The following KCNH3 variants were observed in gnomAD, a reference collection of about 807,000 sequenced individuals.
KCNH3 encodes the protein voltage-gated inwardly rectifying potassium channel KCNH3.
KCNH3 carries 36 observed loss-of-function variants against 95.6 expected under a neutral mutation model. The observed-to-expected ratio is 0.38, with a 90% confidence interval of 0.29 to 0.50. The LOEUF is 0.50. Ranked by LOEUF, KCNH3 falls within the 20% of genes least tolerant of loss-of-function variation. KCNH3 has a pLI of 0.95. For synonymous variants in KCNH3, 620 were observed against 646.3 expected (o/e 0.96, Z 0.62); for missense variants, 1,030 against 1,484.1 (o/e 0.69, Z 5.03).
intron 7 of KCNH3, among the ~76,000 whole-genome samples, chr12:49,547,455 C>T (rs764888776): frequency 4.6e-5 from 7 of 152,230 alleles, no homozygotes; most frequent in Non-Finnish European, 5.9e-5. Flanking sequence ...CCTTTGAAAC[C>T]AAGCACAAAT....
Position 49,543,309 on chromosome 12 carries a change from AC to A in KCNH3, c.615del (p.Tyr205Ter). On this transcript the variant is annotated frameshift_variant, in exon 5 of 15. Transcript: ENST00000257981. LOFTEE classifies it high-confidence loss of function. ...GGGGAGAAACCAAACTTGCCTGAGT[AC>A]AAAGTAGCCGCCATCCGGAAGTCGC... Reference protein sequence around the residue: ...VFGEKPNLPEYKVAAIRKSPF... With the variant: ...VFGEKPNLPEXKVAAIRKSPF... The A allele has an allele frequency of 1.2e-6, 2 of 1,613,742 alleles. No homozygotes were observed. The highest frequency in any genetic ancestry group is 1.7e-6 in the Non-Finnish European group (2 of 1,180,030).
chr12:49,554,267 C>G, intron 10 of KCNH3, 70 bp from the exon 11 acceptor site: 1 of 1,276,194 alleles, frequency 7.8e-7, no homozygotes. Flanking sequence ...TCTCAGCAAC[C>G]TGCAGCCCCC....
In KCNH3 at chr12:49,557,507, C is replaced by T. The variant is rs1938515239; in HGVS notation, c.2806C>T (p.Gln936Ter). 6.2e-7 allele frequency: 1 copy of T among 1,611,718 alleles called. No homozygotes were observed. Among genetic ancestry groups the T allele is most frequent in the Non-Finnish European group, 8.5e-7 (1 of 1,179,944 alleles). ...CCCAGCCAGCACCTCCGGGCTTCTG[C>T]AGCCTCTGTGTGTGGACACTGGGGC... is the stretch of plus-strand genomic sequence containing the variant. ...PCPASTSGLLQPLCVDTGASS... is the reference protein window; with the variant it reads ...PCPASTSGLL Residue 936 changes from glutamine (Q) to a stop codon, truncating the protein, a stop_gained, in exon 15 of 15, where the codon CAG (glutamine) becomes TAG (stop). Coordinates refer to ENST00000257981, the MANE Select transcript of KCNH3 (RefSeq NM_012284.3). LOFTEE classifies it high-confidence loss of function.
In KCNH3 at chr12:49,548,889, C is replaced by T. The variant is rs538180796; in HGVS notation, c.1190-6C>T. The T allele has an allele frequency of 9.6e-6, 15 of 1,561,078 alleles. No homozygotes were observed. The highest frequency in any genetic ancestry group is 4.1e-5 in the African/African-American group (3 of 73,568). ...GCCTGCTCAGGCCCTGCTGTTCCCC[C>T]CTCAGGCTGGCTGCAGGAGCTGGCC... is the stretch of plus-strand genomic sequence containing the variant. On this transcript the variant is annotated splice_polypyrimidine_tract_variant and splice_region_variant and intron_variant, in intron 7 of 14. Transcript: ENST00000257981.
At chr12:49,547,603 G>T (rs891744021) in intron 7 of KCNH3, among the ~76,000 whole-genome samples, 1 of 152,224 alleles carries the variant, frequency 6.6e-6, no homozygotes, top group African/African-American at 2.4e-5. Flanking sequence ...CCCTCAGGGA[G>T]CTCCTGTGGG....
chr12:49,552,416 CCTT>C (rs1355888353), intron 10 of KCNH3, among the ~76,000 whole-genome samples: 1 of 152,214 alleles, frequency 6.6e-6, no homozygotes, highest in Middle Eastern at 3.2e-3. Flanking sequence ...CATCCTGTCA[CCTT>C]CTATATGTTT....
intron 7 of KCNH3, 63 bp from the exon 8 acceptor site, chr12:49,548,832 C>T (rs1176599591): frequency 2.7e-6 from 4 of 1,469,984 alleles, no homozygotes; most frequent in Non-Finnish European, 3.6e-6. Context: ...TCCCCACCCC[C>T]AGGGCCCGGC....
At chr12:49,554,643 G>A (rs978692280) in intron 11 of KCNH3, 89 bp downstream of exon 11, 24 of 1,158,476 alleles carry the variant, frequency 2.1e-5, no homozygotes, top group Non-Finnish European at 2.7e-5. Context: ...GGAGAGCTGT[G>A]TGTGAAGTGT....
intron 7 of KCNH3, among the ~76,000 whole-genome samples, chr12:49,545,710 C>T (rs1438302815): frequency 6.6e-6 from 1 of 152,036 alleles, no homozygotes; most frequent in Non-Finnish European, 1.5e-5. Context: ...GTATGACTGT[C>T]TGCTCCTTGG....
In KCNH3 at chr12:49,539,318, G is replaced by T. The variant is rs1324922084; in HGVS notation, c.-99G>T. On this transcript the variant is annotated 5_prime_UTR_variant, in exon 1 of 15. Transcript: ENST00000257981. The surrounding 1 kb of genome is among the most constrained non-coding windows in gnomAD (Gnocchi z 6.7). Reference sequence around the variant, plus strand: ...TGCCCCCCGACGGCTGCGCTAGGGAGCGCGGGGCCCGGCGGGGGGCGGCCG... The same window carrying T: ...TGCCCCCCGACGGCTGCGCTAGGGATCGCGGGGCCCGGCGGGGGGCGGCCG... The T allele has an allele frequency of 3.1e-6, 2 of 643,838 alleles. No homozygotes were observed. The highest frequency in any genetic ancestry group is 7.8e-5 in the East Asian group (2 of 25,478). 39.9% of individuals were successfully genotyped at this position (643,838 alleles called of 1,614,324 possible). A position where few individuals can be genotyped will look rare whatever the true frequency, so the allele number is the denominator to read the frequency against.
At chr12:49,550,953 A>G (rs547344754) in intron 10 of KCNH3, among the ~76,000 whole-genome samples, 11 of 152,316 alleles carry the variant, frequency 7.2e-5, no homozygotes, top group African/African-American at 2.6e-4. Flanking sequence ...TGCTGATAAC[A>G]GGGGGCTCAC....
intron 12 of KCNH3, 103 bp downstream of exon 12, chr12:49,556,054 C>T (rs538779177): frequency 1.9e-5 from 12 of 644,138 alleles, no homozygotes; most frequent in Admixed American, 8.4e-5. Flanking sequence ...TCTTAACTCC[C>T]GCTAGTCTAT....
At position 49,556,361 on chromosome 12, in the gene KCNH3, G is replaced by C; in HGVS notation, c.2469-9G>C. 6.3e-7 allele frequency: 1 copy of C among 1,598,302 alleles called. No homozygotes were observed. ...CATTGATTTGTTGTCCTGGTACCTG[G>C]GTTCACAGGGTAGTAGATGGCATTG... On this transcript the variant is annotated splice_polypyrimidine_tract_variant and intron_variant, in intron 12 of 14. Transcript: ENST00000257981.
chr12:49,549,622 T>A lies in KCNH3; in HGVS notation c.1650T>A (p.Asn550Lys). Residue 550 changes from asparagine to lysine, a missense_variant, in exon 9 of 15, where the codon AAT becomes AAA. This residue lies in a region of KCNH3 where 160 missense variants were observed against 316.2 expected (regional missense o/e 0.51). Coordinates refer to ENST00000257981, the MANE Select transcript of KCNH3 (RefSeq NM_012284.3). ...EYFQATWAVN[N>K]GIDTTELLQS... is the part of the protein sequence containing the mutation. ...TCCAGGCCACCTGGGCGGTGAACAATGGCATCGACACCACCGAGGTGCGGC... is the reference window on the plus strand; with the variant it reads ...TCCAGGCCACCTGGGCGGTGAACAAAGGCATCGACACCACCGAGGTGCGGC... 6.2e-7 allele frequency: 1 copy of A among 1,610,248 alleles called. No individual in the cohort carries two copies. Among genetic ancestry groups the A allele is most frequent in the Non-Finnish European group, 8.5e-7 (1 of 1,179,950 alleles).
intron 7 of KCNH3, among the ~76,000 whole-genome samples, chr12:49,547,413 C>A (rs1389675299): frequency 6.6e-6 from 1 of 152,240 alleles, no homozygotes; most frequent in Non-Finnish European, 1.5e-5. Flanking sequence ...AGGAATGACC[C>A]CCTCAGTTTC....
At chr12:49,552,877 G>C (rs1355120112) in intron 10 of KCNH3, among the ~76,000 whole-genome samples, 4 of 152,190 alleles carry the variant, frequency 2.6e-5, no homozygotes, top group Non-Finnish European at 5.9e-5. Flanking sequence ...GACCCAGAAG[G>C]ATGGCCTGAA....
At position 49,543,249 on chromosome 12, in the gene KCNH3, G is replaced by C. The variant is rs147207795; in HGVS notation, c.580-26G>C. 2,490 of 1,608,806 alleles carry C rather than the reference G, an allele frequency of 1.5e-3. 33 individuals carry two copies. In the African/African-American group the frequency reaches 0.028, roughly 18 times the overall value. On this transcript the variant is annotated intron_variant, in intron 4 of 14. Transcript: ENST00000257981. ...CCTGTGCCAATATTCTTTCCTCTCTGCCTGGACCTGCCCTGCCTCACTCAG... is the reference window on the plus strand; with the variant it reads ...CCTGTGCCAATATTCTTTCCTCTCTCCCTGGACCTGCCCTGCCTCACTCAG...
chr12:49,545,299 C>T (rs966573856), intron 7 of KCNH3, among the ~76,000 whole-genome samples: 2 of 151,998 alleles, frequency 1.3e-5, no homozygotes, highest in African/African-American at 2.4e-5. Context: ...ACTCTCGATG[C>T]GCCTCAGGTC....
At chr12:49,545,300 G>A (rs1250502461) in intron 7 of KCNH3, among the ~76,000 whole-genome samples, 4 of 151,278 alleles carry the variant, frequency 2.6e-5, no homozygotes, top group East Asian at 1.9e-4. Context: ...CTCTCGATGC[G>A]CCTCAGGTCC....
Sources: gnomAD v4.1 joint callset for allele counts (sites outside exome capture counted in the v4.1 genomes callset) on GRCh38, gnomAD v4.1.1 for gene constraint, gnomAD v4.1.1 regional missense constraint, Gnocchi (gnomAD v3.1) non-coding constraint, MANE v1.5 for transcripts, NCBI Gene and HGNC (gene_info 2026-07-23, HGNC 2026-07-21) for gene names.